FAT3: variants seen among roughly 807,000 people sequenced by gnomAD.
FAT3 encodes FAT atypical cadherin 3.
FAT3 carries 95 observed loss-of-function variants against 310.2 expected under a neutral mutation model. That is an observed-to-expected ratio of 0.31 (90% CI 0.26 to 0.36). FAT3 has a LOEUF of 0.36. Ranked by LOEUF, FAT3 falls within the 10% of genes least tolerant of loss-of-function variation. The pLI is 1.00. For synonymous variants in FAT3, 2,314 were observed against 2,192.9 expected, an observed-to-expected ratio of 1.06 and a Z score of -1.54; for missense variants, 5,408 against 5,715.6, an observed-to-expected ratio of 0.95 and a Z score of 1.74.
chr11:92,234,772 G>A (rs999428162), intron 1 of FAT3, among the ~76,000 whole-genome samples: 1 of 151,870 alleles, frequency 6.6e-6, no homozygotes, highest in African/African-American at 2.4e-5. Flanking sequence ...TGTGGTGGTG[G>A]GTGCCTGTAA....
chr11:92,684,349 G>C (rs1371726107), intron 3 of FAT3, among the ~76,000 whole-genome samples: 1 of 152,104 alleles, frequency 6.6e-6, no homozygotes, highest in Non-Finnish European at 1.5e-5. Context: ...ATCAATCTTG[G>C]GATGAAAAGT....
At chr11:92,361,565 C>T (rs950948620) in intron 2 of FAT3, among the ~76,000 whole-genome samples, 5 of 152,174 alleles carry the variant, frequency 3.3e-5, no homozygotes, top group Non-Finnish European at 5.9e-5. Flanking sequence ...GAGGAGCAAG[C>T]CCTCTCCAAA....
chr11:92,622,183 C>T (rs1448019555), intron 3 of FAT3, among the ~76,000 whole-genome samples: 2 of 151,846 alleles, frequency 1.3e-5, no homozygotes, highest in African/African-American at 2.4e-5. Flanking sequence ...AGTCGGGAGA[C>T]TGAGGCAGAA....
At chr11:92,578,469 T>G (rs895845023) in intron 3 of FAT3, among the ~76,000 whole-genome samples, 1 of 152,150 alleles carries the variant, frequency 6.6e-6, no homozygotes, top group Non-Finnish European at 1.5e-5. Context: ...AGTAATCTAC[T>G]GGAAGTCACA....
rs1313635413 is a variant in FAT3 at position 92,637,887 on chromosome 11, T to C, written c.3608-59497T>C. Among the ~76,000 whole-genome samples, 4 of 152,244 alleles carry C rather than the reference T, an allele frequency of 2.6e-5. No individual in the cohort carries two copies. In the East Asian group the frequency reaches 7.7e-4, roughly 29 times the overall value. ...TAAATGAACCAGCCTGTCAGGCATA[T>C]GGAGTTCCTGGAAATAAATTAGAAT... is the stretch of plus-strand genomic sequence containing the variant. On this transcript the variant is annotated intron_variant, in intron 3 of 27. Transcript: ENST00000525166.
At chr11:92,549,354 T>C (rs1321340898) in intron 3 of FAT3, among the ~76,000 whole-genome samples, 3 of 152,224 alleles carry the variant, frequency 2.0e-5, no homozygotes. Context: ...TCTGCTGCTT[T>C]AATCATAAAG....
intron 3 of FAT3, among the ~76,000 whole-genome samples, chr11:92,602,232 C>A (rs907654750): frequency 3.9e-5 from 6 of 151,992 alleles, no homozygotes; most frequent in African/African-American, 2.4e-5. Flanking sequence ...TGCCACCACG[C>A]CCGGCTAATT....
chr11:92,675,379 C>T (rs1354854153), intron 3 of FAT3, among the ~76,000 whole-genome samples: 2 of 152,180 alleles, frequency 1.3e-5, no homozygotes, highest in Non-Finnish European at 2.9e-5. Flanking sequence ...CTTAACAACA[C>T]TTAAACTTAA....
chr11:92,661,726 A>C (rs1215423433), intron 3 of FAT3, among the ~76,000 whole-genome samples: 1 of 152,118 alleles, frequency 6.6e-6, no homozygotes. Context: ...AGAAATTGCA[A>C]AGAGGAATGT....
chr11:92,276,311 G>T (rs1330411207), intron 1 of FAT3, among the ~76,000 whole-genome samples: 1 of 152,116 alleles, frequency 6.6e-6, no homozygotes, highest in Non-Finnish European at 1.5e-5. Flanking sequence ...GTTTTAAGCA[G>T]AATTTTACAT....
chr11:92,487,504 G>A (rs769835519), intron 2 of FAT3, among the ~76,000 whole-genome samples: 24 of 152,108 alleles, frequency 1.6e-4, no homozygotes, highest in Middle Eastern at 3.2e-3. Flanking sequence ...TATTGAGCAC[G>A]TCCTTAGCGT....
At chr11:92,229,492 G>GT (rs780129800) in intron 1 of FAT3, among the ~76,000 whole-genome samples, 751 of 59,976 alleles carry the variant, frequency 0.013, 12 homozygotes, top group South Asian at 0.017. Context: ...GTTTTTTCGT[G>GT]TTTTTTTTTT....
intron 2 of FAT3, among the ~76,000 whole-genome samples, chr11:92,515,169 A>G (rs1184478868): frequency 6.6e-6 from 1 of 152,162 alleles, no homozygotes; most frequent in African/African-American, 2.4e-5. Context: ...AAACTCTGCC[A>G]TTATAGAACC....
chr11:92,646,158 C>T (rs1382619345), intron 3 of FAT3, among the ~76,000 whole-genome samples: 4 of 152,132 alleles, frequency 2.6e-5, no homozygotes, highest in Non-Finnish European at 5.9e-5. Context: ...TGATGGAGGT[C>T]ACTTGGTGGT....
rs553190828 is a variant in FAT3 at position 92,698,149 on chromosome 11, A to G, written c.3669+704A>G. On this transcript the variant is annotated intron_variant, in intron 4 of 27. Coordinates refer to ENST00000525166, the MANE Select transcript of FAT3 (RefSeq NM_001367949.2). ...TATGAAACAGATGACGATGCTTAGAACTCAAGGCTCTGTTAAGGTTTTATA... is the reference window on the plus strand; with the variant it reads ...TATGAAACAGATGACGATGCTTAGAGCTCAAGGCTCTGTTAAGGTTTTATA... Among the ~76,000 whole-genome samples, 14 of 152,238 alleles carry G rather than the reference A, an allele frequency of 9.2e-5. 1 individual carries two copies. The South Asian group carries it at 2.9e-3, about 32-fold the overall frequency.
At chr11:92,362,169 G>A (rs1318861862) in intron 2 of FAT3, among the ~76,000 whole-genome samples, 2 of 152,204 alleles carry the variant, frequency 1.3e-5, no homozygotes, top group African/African-American at 4.8e-5. Flanking sequence ...TCTGAGCACA[G>A]AATGCTCTTT....
chr11:92,326,255 T>C (rs946636489), intron 1 of FAT3, among the ~76,000 whole-genome samples: 3 of 152,182 alleles, frequency 2.0e-5, no homozygotes, highest in African/African-American at 4.8e-5. Context: ...GTTGGACATA[T>C]TTGCTTTCTA....
intron 2 of FAT3, among the ~76,000 whole-genome samples, chr11:92,419,513 A>T (rs1043235390): frequency 6.6e-6 from 1 of 152,182 alleles, no homozygotes; most frequent in African/African-American, 2.4e-5. Flanking sequence ...GAAGATTCCC[A>T]TGAAGACTAA....
At chr11:92,615,403 C>T (rs1045984440) in intron 3 of FAT3, among the ~76,000 whole-genome samples, 6 of 152,184 alleles carry the variant, frequency 3.9e-5, no homozygotes, top group Middle Eastern at 3.4e-3. Context: ...CCCACCACCA[C>T]GCCTGGCTAA....
Sources: gnomAD v4.1 joint callset for allele counts (sites outside exome capture counted in the v4.1 genomes callset) on GRCh38, gnomAD v4.1.1 for gene constraint, MANE v1.5 for transcripts, NCBI Gene and HGNC (gene_info 2026-07-23, HGNC 2026-07-21) for gene names.